Variants in IQGAP2 observed in about 807,000 individuals in gnomAD.
IQGAP2 encodes the protein ras GTPase-activating-like protein IQGAP2.
In IQGAP2, 173 loss-of-function variants were observed where a neutral mutation model predicts 201.3. The observed-to-expected ratio is 0.86, with a 90% CI of 0.76 to 0.98. The LOEUF (loss-of-function observed/expected upper bound fraction) is 0.98. Ranked by LOEUF, IQGAP2 falls within the 50% of genes least tolerant of loss-of-function variation. The pLI is 0.00. For synonymous variants in IQGAP2, 675 were observed against 673.9 expected (o/e 1.00, Z -0.03); for missense variants, 1,687 against 1,864.8 (o/e 0.90, Z 1.76).
chr5:76,565,419 T>C (rs1231958196), intron 3 of IQGAP2, among the ~76,000 whole-genome samples: 1 of 152,242 alleles, frequency 6.6e-6, no homozygotes, highest in Non-Finnish European at 1.5e-5. Context: ...TGTCAGCTTA[T>C]GTACAACCCT....
intron 13 of IQGAP2, among the ~76,000 whole-genome samples, chr5:76,614,001 C>G (rs1346928708): frequency 1.3e-5 from 2 of 152,146 alleles, no homozygotes; most frequent in Non-Finnish European, 2.9e-5. Flanking sequence ...CTTCAAGGTT[C>G]TTACTAGACG....
At chr5:76,463,300 ATGATATG>A (rs1754591835) in intron 2 of IQGAP2, among the ~76,000 whole-genome samples, 1 of 152,054 alleles carries the variant, frequency 6.6e-6, no homozygotes, top group Admixed American at 6.6e-5. Context: ...GTAGAGGAAA[ATGATATG>A]TGATTGGGAG....
chr5:76,695,349 G>A, intron 31 of IQGAP2, 105 bp from the exon 32 acceptor site: 1 of 892,546 alleles, frequency 1.1e-6, no homozygotes, highest in Non-Finnish European at 1.8e-6. Flanking sequence ...CTGAACTTTG[G>A]CTGGAGGACT....
At chr5:76,487,667 G>A (rs1348529605) in intron 2 of IQGAP2, among the ~76,000 whole-genome samples, 1 of 152,152 alleles carries the variant, frequency 6.6e-6, no homozygotes, top group East Asian at 1.9e-4. Context: ...GCACATGTAT[G>A]TGCTTTTTTT....
intron 2 of IQGAP2, among the ~76,000 whole-genome samples, chr5:76,511,766 T>C (rs1458664070): frequency 4.6e-5 from 7 of 151,876 alleles, no homozygotes; most frequent in East Asian, 3.9e-4. Context: ...CTGCAAGCTC[T>C]GCCTCCCGGG....
In IQGAP2 at chr5:76,654,926, T is replaced by C. The variant is rs1302866693; in HGVS notation, c.2251-8T>C. ...TGGGAGATCAAGACTTGTCTTAATCTTTTGCAGAATAATGAAATTGTGAAA... is the reference window on the plus strand; with the variant it reads ...TGGGAGATCAAGACTTGTCTTAATCCTTTGCAGAATAATGAAATTGTGAAA... On this transcript the variant is annotated splice_region_variant and splice_polypyrimidine_tract_variant and intron_variant, in intron 19 of 35. Transcript: ENST00000274364. 2.5e-6 allele frequency: 4 copies of C among 1,601,402 alleles called. No homozygotes were observed. The South Asian group carries it at 4.4e-5, about 18-fold the overall frequency.
intron 1 of IQGAP2, among the ~76,000 whole-genome samples, chr5:76,421,712 A>G (rs1751740306): frequency 6.6e-6 from 1 of 152,198 alleles, no homozygotes. Flanking sequence ...ATTTACATTA[A>G]TCATGACTTT....
intron 2 of IQGAP2, among the ~76,000 whole-genome samples, chr5:76,537,032 T>C (rs1448855375): frequency 3.3e-5 from 5 of 152,242 alleles, no homozygotes; most frequent in Admixed American, 3.3e-4. Flanking sequence ...GTAATAAGTT[T>C]ACTTGGCAAG....
chr5:76,542,348 G>T (rs1413776004), intron 2 of IQGAP2, among the ~76,000 whole-genome samples: 1 of 152,162 alleles, frequency 6.6e-6, no homozygotes, highest in African/African-American at 2.4e-5. Flanking sequence ...AATCCCAAAG[G>T]TCAGGCCCTT....
intron 22 of IQGAP2, among the ~76,000 whole-genome samples, chr5:76,667,583 C>G (rs976126745): frequency 2.0e-5 from 3 of 152,086 alleles, no homozygotes; most frequent in African/African-American, 7.2e-5. Context: ...TCCAATGGGT[C>G]CATCCTCATC....
chr5:76,654,255 A>G lies in IQGAP2; in HGVS notation c.2234A>G (p.Gln745Arg), dbSNP rs1169084685. ...TARKSYLSRL[Q>R]YFRDHNNEIV... ...AGAAAGAGCTATCTTTCAAGACTAC[A>G]GTATTTCAGAGATCATGTAAGAAAA... Residue 745 changes from glutamine to arginine, a missense_variant, in exon 19 of 36, where the codon CAG becomes CGG. Transcript: ENST00000274364. 4 of 1,607,610 alleles carry G rather than the reference A, an allele frequency of 2.5e-6. No homozygotes were observed. The highest frequency in any genetic ancestry group is 2.7e-5 in the African/African-American group (2 of 74,786).
In IQGAP2 at chr5:76,623,307, T is replaced by C. The variant is rs544583761; in HGVS notation, c.1522-4103T>C. The C allele has an allele frequency of 1.7e-5, 26 of 1,543,114 alleles. No homozygotes were observed. The African/African-American group carries it at 3.3e-4, about 19-fold the overall frequency. ...GGAGCACAATTTCACCTCAGTTCCA[T>C]GTGTCAGCAGCAAATGGAAGCCTTG... is the stretch of plus-strand genomic sequence containing the variant. On this transcript the variant is annotated intron_variant, in intron 13 of 35. Transcript: ENST00000274364.
intron 2 of IQGAP2, among the ~76,000 whole-genome samples, chr5:76,511,704 G>A (rs1468169559): frequency 1.4e-5 from 2 of 146,042 alleles, no homozygotes; most frequent in Non-Finnish European, 3.0e-5. Flanking sequence ...TTTTTGAGAC[G>A]GAGTCTCGCT....
At chr5:76,660,984 A>G (rs1403460731) in intron 21 of IQGAP2, among the ~76,000 whole-genome samples, 1 of 152,218 alleles carries the variant, frequency 6.6e-6, no homozygotes, top group African/African-American at 2.4e-5. Flanking sequence ...TAGAGGAGAA[A>G]ATAGTGCCTA....
At chr5:76,616,055 A>G (rs1367282417) in intron 13 of IQGAP2, 3 of 152,672 alleles carry the variant, frequency 2.0e-5, no homozygotes, top group East Asian at 1.9e-4. Flanking sequence ...TGGGCCTGGC[A>G]TCACCCAGAA....
chr5:76,579,554 A>G (rs12109754), intron 5 of IQGAP2, among the ~76,000 whole-genome samples: 45,346 of 151,302 alleles, frequency 0.3, 6,939 homozygotes, highest in South Asian at 0.52. Flanking sequence ...GAAATAATTT[A>G]CTTTCTTAAG....
chr5:76,418,084 G>C (rs1751513430), intron 1 of IQGAP2, among the ~76,000 whole-genome samples: 1 of 150,968 alleles, frequency 6.6e-6, no homozygotes, highest in African/African-American at 2.4e-5. Context: ...GCGGGCACCT[G>C]TAATCCCAGC....
In IQGAP2 at chr5:76,628,829, A is replaced by C. The variant is rs1285088400; in HGVS notation, c.1612+1329A>C. 3 of 413,994 alleles carry C rather than the reference A, an allele frequency of 7.2e-6. No individual in the cohort carries two copies. The East Asian group carries it at 2.2e-4, about 30-fold the overall frequency. 25.6% of individuals were successfully genotyped at this position (413,994 alleles called of 1,614,324 possible). On this transcript the variant is annotated intron_variant, in intron 14 of 35. Transcript: ENST00000274364. ...TTCCTTTCTAGCACGCCTTAAGAAA[A>C]AAATAATGAAGTGGAGGTGTGTATA...
intron 3 of IQGAP2, among the ~76,000 whole-genome samples, chr5:76,568,140 G>A (rs574341881): frequency 9.8e-5 from 15 of 152,302 alleles, no homozygotes; most frequent in African/African-American, 2.6e-4. Context: ...ATTCACTAAC[G>A]AAAGTGTGCT....
Sources: allele counts gnomAD v4.1 joint callset (sites outside exome capture counted in the v4.1 genomes callset), GRCh38; gene constraint gnomAD v4.1.1; transcripts MANE v1.5; gene names NCBI Gene and HGNC (gene_info 2026-07-23, HGNC 2026-07-21).